Variants in ADAMTS20 observed in about 807,000 individuals in gnomAD.
ADAMTS20 encodes the protein ADAM metallopeptidase with thrombospondin type 1 motif 20, also known as A disintegrin and metalloproteinase with thrombospondin motifs 20.
A neutral mutation model predicts 260.1 loss-of-function variants in ADAMTS20; 225 were observed. The observed-to-expected ratio is 0.87, with a 90% CI of 0.78 to 0.97. The LOEUF is 0.97. ADAMTS20 is among the 50% of genes least tolerant of loss of function. ADAMTS20 has a pLI of 0.00. For synonymous variants in ADAMTS20, 802 were observed against 769.5 expected, an observed-to-expected ratio of 1.04 and a Z score of -0.70; for missense variants, 2,400 against 2,337.7, an observed-to-expected ratio of 1.03 and a Z score of -0.55.
chr12:43,514,618 T>G (rs933454271), intron 3 of ADAMTS20, among the ~76,000 whole-genome samples: 1 of 126,036 alleles, frequency 7.9e-6, no homozygotes, highest in African/African-American at 3.2e-5. Context: ...CATCTTCAAA[T>G]GCAATTTGCC....
chr12:43,472,724 TC>T (rs1942286081), intron 7 of ADAMTS20, among the ~76,000 whole-genome samples: 2 of 149,664 alleles, frequency 1.3e-5, no homozygotes, highest in South Asian at 4.3e-4. Context: ...GAATTTCATA[TC>T]CAGCCAAACT....
Position 43,429,564 on chromosome 12 carries a change from G to A in ADAMTS20, c.3489+53C>T, listed in dbSNP as rs1190503476. On this transcript the variant is annotated intron_variant, in intron 24 of 38. Transcript: ENST00000389420. ...AATCTCTAGCAACCATTTTGTTGAT[G>A]TCTAAAAGCTACCATAATAGAAACA... The A allele has an allele frequency of 2.3e-6, 3 of 1,283,348 alleles. No homozygotes were observed. In the Admixed American group the frequency reaches 7.4e-5, roughly 32 times the overall value. 79.5% of individuals were successfully genotyped at this position (1,283,348 alleles called of 1,614,324 possible). A position where few individuals can be genotyped will look rare whatever the true frequency, so the allele number is the denominator to read the frequency against.
intron 3 of ADAMTS20, among the ~76,000 whole-genome samples, chr12:43,505,302 C>A (rs1223851631): frequency 6.6e-6 from 1 of 152,074 alleles, no homozygotes; most frequent in Non-Finnish European, 1.5e-5. Context: ...CTACATCAAA[C>A]TTAAAAAATT....
At chr12:43,361,871 G>A (rs1052071372) in intron 37 of ADAMTS20, among the ~76,000 whole-genome samples, 1 of 152,154 alleles carries the variant, frequency 6.6e-6, no homozygotes, top group East Asian at 1.9e-4. Context: ...CCATTTGACA[G>A]TTATATGATT....
chr12:43,356,422 T>C, intron 38 of ADAMTS20, 62 bp downstream of exon 38: 1 of 1,108,902 alleles, frequency 9.0e-7, no homozygotes, highest in Non-Finnish European at 1.3e-6. Flanking sequence ...GTAGAGAACC[T>C]TTAATGCTAG....
At chr12:43,370,134 G>A (rs1421144107) in intron 36 of ADAMTS20, among the ~76,000 whole-genome samples, 1 of 152,078 alleles carries the variant, frequency 6.6e-6, no homozygotes, top group East Asian at 1.9e-4. Context: ...CAAAATCACT[G>A]CATGTCCCAG....
chr12:43,384,701 C>T (rs541796678), intron 29 of ADAMTS20, among the ~76,000 whole-genome samples: 33 of 152,166 alleles, frequency 2.2e-4, no homozygotes, highest in Admixed American at 7.2e-4. Context: ...TGAGAACATG[C>T]GGTGTTTGGT....
intron 28 of ADAMTS20, among the ~76,000 whole-genome samples, chr12:43,410,136 G>A (rs1941004951): frequency 6.6e-6 from 1 of 152,048 alleles, no homozygotes; most frequent in South Asian, 2.1e-4. Flanking sequence ...GTACAGGCAG[G>A]AAGAAGTGTT....
chr12:43,376,855 T>C (rs1433351144), intron 32 of ADAMTS20, among the ~76,000 whole-genome samples: 1 of 152,226 alleles, frequency 6.6e-6, no homozygotes, highest in Non-Finnish European at 1.5e-5. Context: ...GAATCTATTA[T>C]TTCTCAGTTA....
chr12:43,421,345 G>GA (rs577224914), intron 28 of ADAMTS20, among the ~76,000 whole-genome samples: 4 of 148,412 alleles, frequency 2.7e-5, no homozygotes, highest in Admixed American at 2.7e-4. Context: ...AGGCAAAAAG[G>GA]AAAAAAATAT....
intron 11 of ADAMTS20, among the ~76,000 whole-genome samples, chr12:43,459,300 C>T (rs1017610875): frequency 6.6e-6 from 1 of 152,192 alleles, no homozygotes; most frequent in Non-Finnish European, 1.5e-5. Flanking sequence ...AAAGGCTTGC[C>T]ATTGTTCCTG....
intron 11 of ADAMTS20, among the ~76,000 whole-genome samples, chr12:43,460,988 A>ATATATATATATATATTT: frequency 7.6e-5 from 2 of 26,392 alleles, no homozygotes; most frequent in Non-Finnish European, 1.3e-4. Flanking sequence ...ATATATATAT[A>ATATATATATATATATTT]TTTTTTTTTT....
At position 43,374,753 on chromosome 12, in the gene ADAMTS20, A is replaced by G. The variant is rs1940184539; in HGVS notation, c.5446+626T>C. 1.3e-5 allele frequency among the ~76,000 whole-genome samples: 2 copies of G among 152,228 alleles called. 1 individual carries two copies. The highest frequency in any genetic ancestry group is 4.1e-4 in the South Asian group (2 of 4,828). ...GTAAATGATTACTTTAAACTCTGCA[A>G]AAAGCTTCCACAAGTAGACCGAGGA... On this transcript the variant is annotated intron_variant, in intron 36 of 38. Coordinates refer to ENST00000389420, the MANE Select transcript of ADAMTS20 (RefSeq NM_025003.5).
At chr12:43,433,855 C>T (rs894181070) in intron 19 of ADAMTS20, 1 of 430,312 alleles carries the variant, frequency 2.3e-6, no homozygotes, top group African/African-American at 2.0e-5. Flanking sequence ...GGAAATCAAT[C>T]AATTTGATTT....
intron 7 of ADAMTS20, among the ~76,000 whole-genome samples, chr12:43,488,211 GT>G (rs1942551793): frequency 6.6e-6 from 1 of 152,066 alleles, no homozygotes; most frequent in African/African-American, 2.4e-5. Context: ...AGGTATGGAT[GT>G]GGTTATAGAG....
chr12:43,353,068 G>C (rs1245396269), downstream of ADAMTS20, among the ~76,000 whole-genome samples: 1 of 151,644 alleles, frequency 6.6e-6, no homozygotes, highest in African/African-American at 2.4e-5. Context: ...GATTCCATTT[G>C]GTTTTTTTTG....
intron 31 of ADAMTS20, among the ~76,000 whole-genome samples, chr12:43,379,669 T>A (rs139581809): frequency 6.6e-6 from 1 of 152,286 alleles, no homozygotes; most frequent in Non-Finnish European, 1.5e-5. Context: ...CTAAACTAAG[T>A]GAGCAGAGAC....
intron 7 of ADAMTS20, among the ~76,000 whole-genome samples, chr12:43,472,289 A>C (rs149247377): frequency 0.014 from 2,096 of 152,174 alleles, 51 homozygotes; most frequent in African/African-American, 0.048. Context: ...TTACAGAAAA[A>C]AGAATGAAAA....
intron 8 of ADAMTS20, among the ~76,000 whole-genome samples, chr12:43,467,902 C>G (rs1045039389): frequency 1.3e-5 from 2 of 152,022 alleles, no homozygotes; most frequent in African/African-American, 4.8e-5. Context: ...AGACTCAGGT[C>G]CTTATTAGCA....
Sources: allele counts gnomAD v4.1 joint callset (sites outside exome capture counted in the v4.1 genomes callset), GRCh38; gene constraint gnomAD v4.1.1; transcripts MANE v1.5; gene names NCBI Gene and HGNC (gene_info 2026-07-23, HGNC 2026-07-21).